Variants in CCSER1 observed in about 807,000 individuals in gnomAD.
CCSER1 encodes coiled-coil serine rich protein 1.
Under a neutral mutation model 82.0 loss-of-function variants are expected in CCSER1, and 41 were observed. The ratio of observed to expected loss-of-function variants is 0.50; its 90% CI spans 0.39 to 0.65. The LOEUF is 0.65. Among genes scored for constraint, CCSER1 ranks in the 30% least tolerant of loss-of-function variants. The pLI is 0.00. For missense variants in CCSER1, 1,119 were observed against 1,064.2 expected, an observed-to-expected ratio of 1.05 and a Z score of -0.72; for synonymous variants, 414 against 383.9, an observed-to-expected ratio of 1.08 and a Z score of -0.92.
chr4:90,338,632 T>C (rs1047026925), intron 3 of CCSER1, among the ~76,000 whole-genome samples: 7 of 152,224 alleles, frequency 4.6e-5, no homozygotes, highest in Admixed American at 2.0e-4. Context: ...CTTAATTGAA[T>C]TGACTGCTTT....
At chr4:91,157,634 A>G (rs183676543) in intron 10 of CCSER1, among the ~76,000 whole-genome samples, 1 of 152,164 alleles carries the variant, frequency 6.6e-6, no homozygotes. Flanking sequence ...CTATATGGTA[A>G]TGCCAGGGAC....
intron 8 of CCSER1, among the ~76,000 whole-genome samples, chr4:90,905,385 T>C (rs11929813): frequency 1.2e-4 from 17 of 141,366 alleles, no homozygotes; most frequent in East Asian, 6.3e-4. Flanking sequence ...CACACACACA[T>C]ATATTAGTTT....
intron 1 of CCSER1, among the ~76,000 whole-genome samples, chr4:90,198,900 T>C (rs935026127): frequency 1.3e-5 from 2 of 152,340 alleles, no homozygotes; most frequent in South Asian, 2.1e-4. Context: ...TTACATTTAT[T>C]GTGACTGTCT....
chr4:90,302,660 G>A (rs1001971485), intron 1 of CCSER1, among the ~76,000 whole-genome samples: 1 of 151,922 alleles, frequency 6.6e-6, no homozygotes, highest in Non-Finnish European at 1.5e-5. Flanking sequence ...AAAGTTAATT[G>A]GGCATGATGC....
At chr4:90,249,581 A>C (rs912355350) in intron 1 of CCSER1, among the ~76,000 whole-genome samples, 2 of 152,196 alleles carry the variant, frequency 1.3e-5, no homozygotes, top group Non-Finnish European at 2.9e-5. Context: ...TCATATAAAT[A>C]GAACATACAA....
At chr4:91,340,042 G>A (rs551709943) in intron 10 of CCSER1, among the ~76,000 whole-genome samples, 2 of 152,098 alleles carry the variant, frequency 1.3e-5, no homozygotes, top group Admixed American at 6.5e-5. Flanking sequence ...GCTTGAACCC[G>A]GGAGGCAGAG....
At chr4:90,743,947 A>T (rs1363189860) in intron 7 of CCSER1, among the ~76,000 whole-genome samples, 2 of 151,992 alleles carry the variant, frequency 1.3e-5, no homozygotes, top group Non-Finnish European at 2.9e-5. Context: ...TCACTTAGTG[A>T]TATTAGTTTT....
In CCSER1 at chr4:91,089,302, G is replaced by T. The variant is rs189514591; in HGVS notation, c.2217+3308G>T. On this transcript the variant is annotated intron_variant, in intron 10 of 10. Coordinates refer to ENST00000509176, the MANE Select transcript of CCSER1 (RefSeq NM_001145065.2). ...TGTCTGGAATCTGTGGATAATATCG[G>T]TTGCTAGGTCATGGGTTGAATTTTA... 1.1e-4 allele frequency among the ~76,000 whole-genome samples: 16 copies of T among 152,316 alleles called. No homozygotes were observed. In the East Asian group the frequency reaches 3.1e-3, roughly 29 times the overall value.
At chr4:90,986,853 G>T (rs1464753302) in intron 9 of CCSER1, among the ~76,000 whole-genome samples, 1 of 151,698 alleles carries the variant, frequency 6.6e-6, no homozygotes, top group Non-Finnish European at 1.5e-5. Flanking sequence ...CGCCTTCGGA[G>T]ACCCTGTGTA....
chr4:91,302,429 C>G (rs558738695), intron 10 of CCSER1, among the ~76,000 whole-genome samples: 19 of 152,088 alleles, frequency 1.2e-4, no homozygotes, highest in Non-Finnish European at 2.5e-4. Context: ...CTACTTTCAT[C>G]CAAGGCAAAA....
chr4:91,153,944 C>T (rs2148960147), intron 10 of CCSER1, among the ~76,000 whole-genome samples: 1 of 152,104 alleles, frequency 6.6e-6, no homozygotes. Context: ...CCCAGTTAGG[C>T]TACTCATGGG....
intron 6 of CCSER1, among the ~76,000 whole-genome samples, chr4:90,686,554 G>A (rs977719678): frequency 2.0e-5 from 3 of 151,846 alleles, no homozygotes; most frequent in Admixed American, 1.3e-4. Flanking sequence ...TTAGATTATA[G>A]CCCAAAACCT....
intron 6 of CCSER1, chr4:90,664,039 C>CA (rs931065702): frequency 3.1e-4 from 50 of 163,738 alleles, no homozygotes; most frequent in South Asian, 6.7e-4. Flanking sequence ...AAATTCTATA[C>CA]AAAAAAAATC....
intron 10 of CCSER1, among the ~76,000 whole-genome samples, chr4:91,468,694 T>A (rs770012725): frequency 9.2e-5 from 14 of 151,986 alleles, no homozygotes; most frequent in Non-Finnish European, 1.6e-4. Flanking sequence ...TTAACATTAA[T>A]CATAAAAATT....
intron 4 of CCSER1, among the ~76,000 whole-genome samples, chr4:90,430,118 A>G (rs1181431505): frequency 6.6e-6 from 1 of 151,908 alleles, no homozygotes; most frequent in African/African-American, 2.4e-5. Flanking sequence ...TACACTCTCA[A>G]AGAGGCTTTC....
chr4:91,583,377 T>G (rs905145546), intron 10 of CCSER1, among the ~76,000 whole-genome samples: 1 of 150,770 alleles, frequency 6.6e-6, no homozygotes, highest in East Asian at 2.0e-4. Context: ...AAATTCTTCT[T>G]GTCCAGCATT....
intron 10 of CCSER1, among the ~76,000 whole-genome samples, chr4:91,502,267 T>C (rs931884861): frequency 2.0e-5 from 3 of 152,154 alleles, no homozygotes; most frequent in Non-Finnish European, 4.4e-5. Flanking sequence ...GTAAATACTC[T>C]GAGAAAAGGG....
intron 6 of CCSER1, among the ~76,000 whole-genome samples, chr4:90,651,915 A>G (rs1728821658): frequency 6.6e-6 from 1 of 152,192 alleles, no homozygotes; most frequent in Non-Finnish European, 1.5e-5. Flanking sequence ...TATAGTGTCC[A>G]TTAAACTTGG....
intron 10 of CCSER1, among the ~76,000 whole-genome samples, chr4:91,136,534 A>T (rs187833834): frequency 7.9e-5 from 12 of 152,250 alleles, no homozygotes; most frequent in African/African-American, 9.6e-5. Flanking sequence ...TCTTTTCAAT[A>T]CTATTTAATT....
Sources: gnomAD v4.1 joint callset for allele counts (sites outside exome capture counted in the v4.1 genomes callset) on GRCh38, gnomAD v4.1.1 for gene constraint, MANE v1.5 for transcripts, NCBI Gene and HGNC (gene_info 2026-07-23, HGNC 2026-07-21) for gene names.